RCAN2: variants seen among roughly 807,000 people sequenced by gnomAD.
The protein encoded by RCAN2 is regulator of calcineurin 2.
A neutral mutation model predicts 23.6 loss-of-function variants in RCAN2; 9 were observed. The observed-to-expected ratio is 0.38, with a 90% CI of 0.23 to 0.67. The LOEUF (loss-of-function observed/expected upper bound fraction) is 0.67, where lower values mean the gene tolerates loss of function less well. Among genes scored for constraint, RCAN2 ranks in the 30% least tolerant of loss-of-function variants. RCAN2 has a pLI of 0.51. For synonymous variants in RCAN2, 109 were observed against 115.7 expected, an observed-to-expected ratio of 0.94 and a Z score of 0.37; for missense variants, 273 against 302.3, an observed-to-expected ratio of 0.90 and a Z score of 0.72.
At chr6:46,447,668 A>G (rs955797405) in intron 2 of RCAN2, among the ~76,000 whole-genome samples, 1 of 151,948 alleles carries the variant, frequency 6.6e-6, no homozygotes, top group South Asian at 2.1e-4. Flanking sequence ...ACAGTAGTAT[A>G]TAAAACTAGA....
intron 2 of RCAN2, among the ~76,000 whole-genome samples, chr6:46,374,591 A>G (rs1765410513): frequency 1.3e-5 from 2 of 152,204 alleles, no homozygotes; most frequent in Admixed American, 6.5e-5. Context: ...AAATTTGATA[A>G]AAAGTGATTT....
At chr6:46,253,500 T>C (rs1331313892) in intron 2 of RCAN2, among the ~76,000 whole-genome samples, 1 of 152,214 alleles carries the variant, frequency 6.6e-6, no homozygotes, top group Admixed American at 6.5e-5. Context: ...ACATTGTATT[T>C]CTGGATGTCA....
chr6:46,290,384 T>C (rs979058941), intron 2 of RCAN2, among the ~76,000 whole-genome samples: 31 of 152,168 alleles, frequency 2.0e-4, no homozygotes, highest in African/African-American at 7.2e-4. Flanking sequence ...AGATATTAAA[T>C]GATGAGAAAA....
At chr6:46,460,370 C>A (rs1051757728) in intron 1 of RCAN2, among the ~76,000 whole-genome samples, 2 of 152,158 alleles carry the variant, frequency 1.3e-5, no homozygotes, top group African/African-American at 4.8e-5. Flanking sequence ...CCTGGTTTGT[C>A]TTTTTTAATT....
At chr6:46,422,005 A>G (rs1037405268) in intron 2 of RCAN2, among the ~76,000 whole-genome samples, 1 of 152,236 alleles carries the variant, frequency 6.6e-6, no homozygotes, top group Admixed American at 6.5e-5. Flanking sequence ...GACCATAAGA[A>G]TAGATGCCTT....
At position 46,371,490 on chromosome 6, in the gene RCAN2, G is replaced by A. The variant is rs374051406; in HGVS notation, c.225+85262C>T. ...CACCCAACATCATGAGCAACTTGTA[G>A]AGGAATAAGAAAGTGGAGTGAAAAA... On this transcript the variant is annotated intron_variant, in intron 2 of 4. Coordinates refer to ENST00000371374, the MANE Select transcript of RCAN2 (RefSeq NM_001251974.2). Among the ~76,000 whole-genome samples, 23 of 152,316 alleles carry A rather than the reference G, an allele frequency of 1.5e-4. No individual in the cohort carries two copies. The East Asian group carries it at 2.3e-3, about 15-fold the overall frequency.
At position 46,267,871 on chromosome 6, in the gene RCAN2, C is replaced by T. The variant is rs1055149071; in HGVS notation, c.226-18975G>A. On this transcript the variant is annotated intron_variant, in intron 2 of 4. Coordinates refer to ENST00000371374, the MANE Select transcript of RCAN2 (RefSeq NM_001251974.2). ...AGAAAATCAGAAGATGTTATAATAC[C>T]GATATCTAAATAAAATTTTAAGACT... is the stretch of plus-strand genomic sequence containing the variant. Among the ~76,000 whole-genome samples the T allele has an allele frequency of 1.2e-4, 18 of 151,546 alleles. 1 individual carries two copies. Among genetic ancestry groups the T allele is most frequent in the African/African-American group, 2.9e-4 (12 of 41,298 alleles).
intron 4 of RCAN2, among the ~76,000 whole-genome samples, chr6:46,224,627 G>C (rs1765586834): frequency 6.6e-6 from 1 of 152,144 alleles, no homozygotes; most frequent in African/African-American, 2.4e-5. Flanking sequence ...ATCAAAGCTA[G>C]ACCCGATGCA....
At chr6:46,483,198 T>A (rs1449500444) in intron 1 of RCAN2, among the ~76,000 whole-genome samples, 1 of 152,204 alleles carries the variant, frequency 6.6e-6, no homozygotes, top group African/African-American at 2.4e-5. Flanking sequence ...GTTTCCACTT[T>A]AATTATCTCA....
intron 1 of RCAN2, among the ~76,000 whole-genome samples, chr6:46,460,346 G>A (rs921395322): frequency 6.6e-6 from 1 of 152,202 alleles, no homozygotes; most frequent in African/African-American, 2.4e-5. Flanking sequence ...ACAGATGTCA[G>A]ACACTGTGCC....
At position 46,318,142 on chromosome 6, in the gene RCAN2, A is replaced by G. The variant is rs10456558; in HGVS notation, c.226-69246T>C. 9.8e-3 allele frequency among the ~76,000 whole-genome samples: 1,494 copies of G among 152,296 alleles called. 9 individuals are homozygous for G. The highest frequency in any genetic ancestry group is 0.015 in the Non-Finnish European group (1,033 of 68,014). ...GATGGTTTAATGCTCAACTTAGTAA[A>G]CAGTCCCCTGAGGTTAAATGTTTGG... On this transcript the variant is annotated intron_variant, in intron 2 of 4. Transcript: ENST00000371374.
chr6:46,442,371 G>T lies in RCAN2; in HGVS notation c.225+14381C>A, dbSNP rs144345794. On this transcript the variant is annotated intron_variant, in intron 2 of 4. Coordinates refer to ENST00000371374, the MANE Select transcript of RCAN2 (RefSeq NM_001251974.2). ...CTGGCCCAGGAAGTGAGTGGCAGAT[G>T]AAATCTAGCCTACCCCTCCACCACC... is the stretch of plus-strand genomic sequence containing the variant. Among the ~76,000 whole-genome samples, 356 of 152,296 alleles carry T rather than the reference G, an allele frequency of 2.3e-3. 4 individuals are homozygous for T. The highest frequency in any genetic ancestry group is 8.2e-3 in the African/African-American group (339 of 41,564).
intron 2 of RCAN2, among the ~76,000 whole-genome samples, chr6:46,418,671 A>G (rs1223274910): frequency 7.1e-6 from 1 of 140,220 alleles, no homozygotes; most frequent in Non-Finnish European, 1.5e-5. Context: ...GTTAAATATA[A>G]TCATCTCTAA....
chr6:46,226,716 T>C (rs1266787268), intron 4 of RCAN2, among the ~76,000 whole-genome samples: 4 of 152,194 alleles, frequency 2.6e-5, no homozygotes, highest in Non-Finnish European at 5.9e-5. Context: ...AAATATACAA[T>C]CATGTCATCT....
At chr6:46,307,164 C>A (rs1196288964) in intron 2 of RCAN2, among the ~76,000 whole-genome samples, 1 of 152,118 alleles carries the variant, frequency 6.6e-6, no homozygotes, top group Non-Finnish European at 1.5e-5. Flanking sequence ...GAGCACTATG[C>A]CAGGCACTGT....
At chr6:46,223,430 A>G (rs960695371) in intron 4 of RCAN2, 129 bp from the exon 5 acceptor site, 2 of 804,792 alleles carry the variant, frequency 2.5e-6, no homozygotes, top group Admixed American at 2.5e-5. Flanking sequence ...TTATGCAGGG[A>G]TGGCACAGGG....
chr6:46,268,210 G>A (rs1224291821), intron 2 of RCAN2, among the ~76,000 whole-genome samples: 4 of 152,112 alleles, frequency 2.6e-5, no homozygotes, highest in Admixed American at 2.0e-4. Flanking sequence ...AATCATGTCT[G>A]TCTCATTTTT....
intron 2 of RCAN2, among the ~76,000 whole-genome samples, chr6:46,399,850 G>T (rs1430089818): frequency 6.6e-6 from 1 of 152,036 alleles, no homozygotes; most frequent in Non-Finnish European, 1.5e-5. Flanking sequence ...AATTATATTT[G>T]CAAAGACCCT....
At chr6:46,461,071 A>C (rs529325063) in intron 1 of RCAN2, among the ~76,000 whole-genome samples, 1 of 152,346 alleles carries the variant, frequency 6.6e-6, no homozygotes, top group East Asian at 1.9e-4. Flanking sequence ...GAAAAACTGG[A>C]AAATTCAAAA....
Sources: gnomAD v4.1 joint callset for allele counts (sites outside exome capture counted in the v4.1 genomes callset) on GRCh38, gnomAD v4.1.1 for gene constraint, MANE v1.5 for transcripts, NCBI Gene and HGNC (gene_info 2026-07-23, HGNC 2026-07-21) for gene names.